The following ARHGAP31 variants were observed in gnomAD, a reference collection of about 807,000 sequenced individuals.
The protein encoded by ARHGAP31 is Rho GTPase activating protein 31, also known as rho GTPase-activating protein 31.
ARHGAP31 carries 34 observed loss-of-function variants against 113.9 expected under a neutral mutation model. The ratio of observed to expected loss-of-function variants is 0.30; its 90% CI spans 0.23 to 0.40. ARHGAP31 has a LOEUF of 0.40. Among genes scored for constraint, ARHGAP31 ranks in the 10% least tolerant of loss-of-function variants. ARHGAP31 has a pLI of 1.00. For missense variants in ARHGAP31, 1,548 were observed against 1,767.1 expected, an observed-to-expected ratio of 0.88 and a Z score of 2.22; for synonymous variants, 650 against 684.8, an observed-to-expected ratio of 0.95 and a Z score of 0.79.
intron 4 of ARHGAP31, among the ~76,000 whole-genome samples, chr3:119,381,864 T>C (rs2107631149): frequency 6.6e-6 from 1 of 152,160 alleles, no homozygotes; most frequent in South Asian, 2.1e-4. Context: ...CGGGCGCCTT[T>C]AGTTCCAGCT....
chr3:119,330,330 C>G (rs984634933), intron 1 of ARHGAP31, among the ~76,000 whole-genome samples: 1 of 152,142 alleles, frequency 6.6e-6, no homozygotes. Context: ...GCTCAGTGTG[C>G]GGGCATCATA....
chr3:119,414,164 G>C lies in ARHGAP31; in HGVS notation c.2235G>C (p.Leu745=), dbSNP rs372532661. Residue 745 remains leucine (L), a synonymous_variant, in exon 12 of 12, where the codon CTG becomes CTC. Transcript: ENST00000264245. ...SREKPEPEQG[L]HPDLASLAPL... ...AGAAGCCGGAACCTGAGCAGGGCCT[G>C]CACCCAGACCTCGCCAGCCTGGCTC... 36 of 1,614,030 alleles carry C rather than the reference G, an allele frequency of 2.2e-5. No individual in the cohort carries two copies. The highest frequency in any genetic ancestry group is 2.8e-5 in the Non-Finnish European group (33 of 1,180,022).
intron 10 of ARHGAP31, among the ~76,000 whole-genome samples, chr3:119,404,070 C>G (rs1021789051): frequency 2.0e-5 from 3 of 152,074 alleles, no homozygotes; most frequent in Admixed American, 1.3e-4. Flanking sequence ...TCAAGTGATG[C>G]CTTGTCTGGA....
At chr3:119,362,742 C>T (rs1484315982) in intron 1 of ARHGAP31, among the ~76,000 whole-genome samples, 2 of 149,448 alleles carry the variant, frequency 1.3e-5, no homozygotes, top group Non-Finnish European at 3.0e-5. Context: ...CACTCCAACC[C>T]GAGTGACAAG....
chr3:119,332,818 C>CAGGAA (rs1254378796), intron 1 of ARHGAP31, among the ~76,000 whole-genome samples: 10 of 152,166 alleles, frequency 6.6e-5, no homozygotes, highest in Non-Finnish European at 1.2e-4. Flanking sequence ...TTGTCCCTGA[C>CAGGAA]TTCCTGACAG....
intron 1 of ARHGAP31, among the ~76,000 whole-genome samples, chr3:119,355,583 C>G (rs1401275813): frequency 6.6e-6 from 1 of 151,682 alleles, no homozygotes. Context: ...GTGTGCTGCA[C>G]TCATTAACTC....
In ARHGAP31 at chr3:119,383,112, A is replaced by C; in HGVS notation, c.568A>C (p.Asn190His). The change falls in exon 6 of 12, where the codon AAT (asparagine) becomes CAT (histidine). Residue 190 changes from asparagine to histidine, a missense_variant. Asn to His is a moderately conservative substitution (Grantham distance 68, BLOSUM62 1). Coordinates refer to ENST00000264245, the MANE Select transcript of ARHGAP31 (RefSeq NM_020754.4). ...RSKEIEATGC[N>H]GDAAFLAVRV... ...TAAAGAAATTGAAGCCACTGGTTGCAATGGAGATGCAGCCTTCCTTGCAGT... is the reference window on the plus strand; with the variant it reads ...TAAAGAAATTGAAGCCACTGGTTGCCATGGAGATGCAGCCTTCCTTGCAGT... The C allele has an allele frequency of 3.7e-6, 6 of 1,614,236 alleles. No individual in the cohort carries two copies. The highest frequency in any genetic ancestry group is 5.1e-6 in the Non-Finnish European group (6 of 1,180,046).
At chr3:119,360,039 G>A (rs945627783) in intron 1 of ARHGAP31, among the ~76,000 whole-genome samples, 2 of 151,920 alleles carry the variant, frequency 1.3e-5, no homozygotes, top group African/African-American at 2.4e-5. Flanking sequence ...TATCCATCAC[G>A]CCCAAATGTT....
rs1313121632 is a variant in ARHGAP31 at position 119,401,900 on chromosome 3, C to T, written c.1148C>T (p.Thr383Ile). 1 of 1,614,010 alleles carries T rather than the reference C, an allele frequency of 6.2e-7. No individual in the cohort carries two copies. The highest frequency in any genetic ancestry group is 1.3e-5 in the African/African-American group (1 of 74,896). The change falls in exon 10 of 12, where the codon ACC becomes ATC. Residue 383 changes from threonine to isoleucine, a missense_variant. Thr to Ile is a moderately conservative substitution (Grantham distance 89). Coordinates refer to ENST00000264245, the MANE Select transcript of ARHGAP31 (RefSeq NM_020754.4). ...ATTCCAGCAACAAAGATGCACTCCA[C>T]CGGCACCGGCAGCTCATGTGACCTC... ...FFIPATKMHS[T>I]GTGSSCDLTK...
intron 1 of ARHGAP31, among the ~76,000 whole-genome samples, chr3:119,300,524 C>A (rs188135649): frequency 1.3e-5 from 2 of 152,072 alleles, no homozygotes; most frequent in Admixed American, 1.3e-4. Flanking sequence ...AAAGGGCCCT[C>A]AAAAGGCCTA....
At chr3:119,321,119 A>G (rs770130548) in intron 1 of ARHGAP31, among the ~76,000 whole-genome samples, 12 of 152,154 alleles carry the variant, frequency 7.9e-5, no homozygotes, top group South Asian at 4.1e-4. Context: ...ACTAATACAG[A>G]TGTATAAACA....
chr3:119,395,795 A>C (rs2080545811), intron 8 of ARHGAP31, among the ~76,000 whole-genome samples: 1 of 152,190 alleles, frequency 6.6e-6, no homozygotes, highest in South Asian at 2.1e-4. Context: ...GGCAGAAGGG[A>C]AATGGATTCT....
At chr3:119,329,707 G>A (rs2079874538) in intron 1 of ARHGAP31, 1 of 771,824 alleles carries the variant, frequency 1.3e-6, no homozygotes, top group African/African-American at 1.9e-5. Context: ...CTTCGAAACA[G>A]GACTTGGCTC....
chr3:119,367,629 T>C (rs1577014717), intron 2 of ARHGAP31, among the ~76,000 whole-genome samples: 4 of 151,970 alleles, frequency 2.6e-5, no homozygotes, highest in Admixed American at 2.6e-4. Context: ...GAGGCCGAGG[T>C]GGTCAGATCA....
intron 1 of ARHGAP31, among the ~76,000 whole-genome samples, chr3:119,348,014 A>G (rs1173900361): frequency 6.6e-6 from 1 of 152,222 alleles, no homozygotes; most frequent in African/African-American, 2.4e-5. Flanking sequence ...TTACAAACCA[A>G]CACCTGTCCG....
At chr3:119,405,630 C>G (rs189480181) in intron 10 of ARHGAP31, among the ~76,000 whole-genome samples, 107 of 152,250 alleles carry the variant, frequency 7.0e-4, no homozygotes, top group African/African-American at 2.5e-3. Context: ...CAGCTAAAAC[C>G]TGGGGGGTGG....
intron 6 of ARHGAP31, among the ~76,000 whole-genome samples, chr3:119,389,527 C>T (rs914608484): frequency 3.3e-5 from 5 of 152,140 alleles, no homozygotes. Flanking sequence ...TTTTCAGGAT[C>T]CCAGGCTATA....
chr3:119,393,406 T>A, intron 7 of ARHGAP31, 61 bp from the exon 8 acceptor site: 1 of 1,606,390 alleles, frequency 6.2e-7, no homozygotes, highest in Non-Finnish European at 8.5e-7. Context: ...TGGTCTCAAT[T>A]TAAAAGTCCC....
intron 1 of ARHGAP31, among the ~76,000 whole-genome samples, chr3:119,312,799 A>G (rs1359936286): frequency 1.3e-5 from 2 of 152,208 alleles, no homozygotes; most frequent in Non-Finnish European, 2.9e-5. Context: ...CACTAGCCAC[A>G]TGTGTCTGTT....
Sources: allele counts gnomAD v4.1 joint callset (sites outside exome capture counted in the v4.1 genomes callset), GRCh38; gene constraint gnomAD v4.1.1; transcripts MANE v1.5; gene names NCBI Gene and HGNC (gene_info 2026-07-23, HGNC 2026-07-21).